PRIMA1: variants seen among roughly 807,000 people sequenced by gnomAD.
The protein encoded by PRIMA1 is proline rich membrane anchor 1.
A neutral mutation model predicts 17.5 loss-of-function variants in PRIMA1; 7 were observed. That is an observed-to-expected ratio of 0.40 (90% CI 0.23 to 0.75). The LOEUF is 0.75. PRIMA1 is among the 30% of genes least tolerant of loss of function. PRIMA1 has a pLI of 0.37. For missense variants in PRIMA1, 200 were observed against 201.8 expected (o/e 0.99, Z 0.05); for synonymous variants, 97 against 77.9 (o/e 1.25, Z -1.29).
At chr14:93,742,679 G>A (rs535385439) in intron 3 of PRIMA1, among the ~76,000 whole-genome samples, 1 of 152,300 alleles carries the variant, frequency 6.6e-6, no homozygotes, top group East Asian at 1.9e-4. Flanking sequence ...AGCCCTCCAG[G>A]TACTCTTGGT....
At chr14:93,728,094 C>A (rs2076090868) in intron 4 of PRIMA1, among the ~76,000 whole-genome samples, 1 of 152,192 alleles carries the variant, frequency 6.6e-6, no homozygotes, top group African/African-American at 2.4e-5. Flanking sequence ...CTCCCCCGGA[C>A]TCCCCAACCT....
At chr14:93,785,915 C>T (rs1184463255) in intron 2 of PRIMA1, among the ~76,000 whole-genome samples, 1 of 152,068 alleles carries the variant, frequency 6.6e-6, no homozygotes, top group Non-Finnish European at 1.5e-5. Context: ...CACACACACA[C>T]ACACCCCTGC....
intron 3 of PRIMA1, among the ~76,000 whole-genome samples, chr14:93,738,015 T>C (rs2141161794): frequency 6.6e-6 from 1 of 152,234 alleles, no homozygotes; most frequent in South Asian, 2.1e-4. Flanking sequence ...ACTGCCAATG[T>C]CCGTTTCTTG....
intron 3 of PRIMA1, among the ~76,000 whole-genome samples, chr14:93,772,285 TTC>T (rs1885092575): frequency 1.3e-5 from 2 of 152,250 alleles, no homozygotes; most frequent in South Asian, 4.1e-4. Flanking sequence ...CTTAACCTCC[TTC>T]TGATCTTTCC....
chr14:93,783,789 C>T (rs929780460), intron 2 of PRIMA1, among the ~76,000 whole-genome samples: 25 of 152,150 alleles, frequency 1.6e-4, no homozygotes, highest in African/African-American at 5.6e-4. Flanking sequence ...TCCTGGAGTC[C>T]CCTGGATTTG....
rs191080707 is a variant in PRIMA1 at position 93,741,656 on chromosome 14, C to T, written c.230-4286G>A. Among the ~76,000 whole-genome samples the T allele has an allele frequency of 1.6e-4, 24 of 152,204 alleles. No homozygotes were observed. The East Asian group carries it at 3.9e-3, about 24-fold the overall frequency. On this transcript the variant is annotated intron_variant, in intron 3 of 4. Coordinates refer to ENST00000393140, the MANE Select transcript of PRIMA1 (RefSeq NM_178013.4). ...CCTGATCATCTTGCTCAGGAGTCTCCGGGGGAAGAGGCACGCATGAATTGC... is the reference window on the plus strand; with the variant it reads ...CCTGATCATCTTGCTCAGGAGTCTCTGGGGGAAGAGGCACGCATGAATTGC...
rs565158043 is a variant in PRIMA1 at position 93,728,823 on chromosome 14, C to T, written c.360-7277G>A. 1.4e-3 allele frequency among the ~76,000 whole-genome samples: 212 copies of T among 152,332 alleles called. 1 individual carries two copies. Among genetic ancestry groups the T allele is most frequent in the African/African-American group, 5.0e-3 (207 of 41,586 alleles). ...GGAGGCCTGGGCTCCATGCGCCCCA[C>T]ACCAAGGATGCCGGCAGATGAAGCA... is the stretch of plus-strand genomic sequence containing the variant. On this transcript the variant is annotated intron_variant, in intron 4 of 4. Transcript: ENST00000393140.
rs1283629065 is a variant in PRIMA1 at position 93,726,764 on chromosome 14, C to T, written c.360-5218G>A. 3.3e-5 allele frequency among the ~76,000 whole-genome samples: 5 copies of T among 152,066 alleles called. No individual in the cohort carries two copies. The highest frequency in any genetic ancestry group is 6.5e-5 in the Admixed American group (1 of 15,270). On this transcript the variant is annotated intron_variant, in intron 4 of 4. Transcript: ENST00000393140. This position sits in a 1 kb window ranked among gnomAD's most constrained non-coding sequence, Gnocchi z 4.2. ...ACACAGGCACATACGCATAAATGTA[C>T]AAATCCACACACACAAACAATATAC...
chr14:93,737,288 C>G lies in PRIMA1; in HGVS notation c.312G>C (p.Leu104=). 1 of 1,614,136 alleles carries G rather than the reference C, an allele frequency of 6.2e-7. No individual in the cohort carries two copies. The highest frequency in any genetic ancestry group is 8.5e-7 in the Non-Finnish European group (1 of 1,180,024). The part of the protein sequence containing the change: ...VIIIAVCCAS[L]VFLTVLVIIC... ...TGATGACAAGCACAGTCAGAAACACCAGGGAGGCACAGCATACGGCAATGA... is the reference window on the plus strand; with the variant it reads ...TGATGACAAGCACAGTCAGAAACACGAGGGAGGCACAGCATACGGCAATGA... Residue 104 remains leucine, a synonymous_variant, in exon 4 of 5, where the codon CTG becomes CTC. Transcript: ENST00000393140.
At chr14:93,738,433 A>T (rs2076164864) in intron 3 of PRIMA1, among the ~76,000 whole-genome samples, 1 of 152,168 alleles carries the variant, frequency 6.6e-6, no homozygotes, top group Non-Finnish European at 1.5e-5. Flanking sequence ...AACAAAGAGG[A>T]AAGGGGATGA....
rs998017466 is a variant in PRIMA1, at chr14:93,779,204, C to T, written c.201G>A (p.Pro67=). The stretch of plus-strand genomic sequence containing the variant: ...GGGCGGAGAGGAGTCTGGGAGGTGG[C>T]GGGGGTGGGGGCGGCGGGGGCAGCG... The part of the protein sequence containing the change: ...PPPLPPPPPP[P]PPPRLLSAPA... The change falls in exon 3 of 5, where the codon CCG becomes CCA. Residue 67 remains proline, a synonymous_variant. Coordinates refer to ENST00000393140, the MANE Select transcript of PRIMA1 (RefSeq NM_178013.4). 3.5e-5 allele frequency: 13 copies of T among 372,722 alleles called. No homozygotes were observed. The highest frequency in any genetic ancestry group is 2.8e-4 in the East Asian group (1 of 3,574). The allele number at this position is 372,722 out of a possible 1,614,324, so 23.1% of individuals were successfully genotyped here. A position where few individuals can be genotyped will look rare whatever the true frequency, so the allele number is the denominator to read the frequency against.
At chr14:93,763,694 G>A (rs773085647) in intron 3 of PRIMA1, among the ~76,000 whole-genome samples, 30 of 152,238 alleles carry the variant, frequency 2.0e-4, no homozygotes, top group Non-Finnish European at 4.3e-4. Flanking sequence ...GAGCACTTCC[G>A]GTCCTCAGCT....
chr14:93,782,443 A>G (rs1207653708), intron 2 of PRIMA1, among the ~76,000 whole-genome samples: 1 of 150,476 alleles, frequency 6.6e-6, no homozygotes, highest in Admixed American at 6.7e-5. Flanking sequence ...ATAGAGTGAG[A>G]CCTCATCTCT....
chr14:93,783,249 C>A (rs1292461774), intron 2 of PRIMA1, among the ~76,000 whole-genome samples: 1 of 152,194 alleles, frequency 6.6e-6, no homozygotes, highest in East Asian at 1.9e-4. Context: ...GTTCAGGCTC[C>A]CACTTCGCCC....
chr14:93,784,205 T>G (rs1276593885), intron 2 of PRIMA1, among the ~76,000 whole-genome samples: 1 of 152,272 alleles, frequency 6.6e-6, no homozygotes, highest in Non-Finnish European at 1.5e-5. Context: ...TGTAGTTCAT[T>G]TGAAATTCAA....
intron 4 of PRIMA1, among the ~76,000 whole-genome samples, chr14:93,735,835 G>A (rs913346827): frequency 6.6e-6 from 1 of 151,998 alleles, no homozygotes; most frequent in African/African-American, 2.4e-5. Context: ...GATTATAGGC[G>A]TGTGCCACCA....
intron 2 of PRIMA1, among the ~76,000 whole-genome samples, chr14:93,784,864 G>A (rs538936086): frequency 1.1e-3 from 163 of 152,232 alleles, no homozygotes; most frequent in Admixed American, 3.1e-3. Context: ...CGAGGGAAGA[G>A]GCCACTAAGC....
In PRIMA1 at chr14:93,737,298, C is replaced by G. The variant is rs2076155664; in HGVS notation, c.302G>C (p.Cys101Ser). 1.9e-6 allele frequency: 3 copies of G among 1,614,042 alleles called. No homozygotes were observed. The highest frequency in any genetic ancestry group is 1.7e-6 in the Non-Finnish European group (2 of 1,180,058). ...CACAGTCAGAAACACCAGGGAGGCA[C>G]AGCATACGGCAATGATGATCACCAG... ...SGLVIIIAVCCASLVFLTVLV... is the reference protein window; with the variant it reads ...SGLVIIIAVCSASLVFLTVLV... The change falls in exon 4 of 5, where the codon TGT becomes TCT. Residue 101 changes from cysteine (C) to serine (S), a missense_variant. Cys to Ser is a moderately radical substitution (Grantham distance 112). Coordinates refer to ENST00000393140, the MANE Select transcript of PRIMA1 (RefSeq NM_178013.4).
intron 3 of PRIMA1, among the ~76,000 whole-genome samples, chr14:93,739,881 C>T (rs983335966): frequency 2.6e-5 from 4 of 152,100 alleles, no homozygotes; most frequent in African/African-American, 7.2e-5. Flanking sequence ...GCCTGACCAA[C>T]ATAGTGAAAC....
Sources: gnomAD v4.1 joint callset for allele counts (sites outside exome capture counted in the v4.1 genomes callset) on GRCh38, gnomAD v4.1.1 for gene constraint, Gnocchi (gnomAD v3.1) non-coding constraint, MANE v1.5 for transcripts, NCBI Gene and HGNC (gene_info 2026-07-23, HGNC 2026-07-21) for gene names.